The following DNAH12 variants were observed in gnomAD, a reference collection of about 807,000 sequenced individuals.
DNAH12 encodes axonemal beta dynein heavy chain 12.
A neutral mutation model predicts 371.5 loss-of-function variants in DNAH12; 285 were observed. That is an observed-to-expected ratio of 0.77 (90% confidence interval 0.70 to 0.85). The LOEUF (loss-of-function observed/expected upper bound fraction) is 0.85, where lower values mean the gene tolerates loss of function less well. Among genes scored for constraint, DNAH12 ranks in the 40% least tolerant of loss-of-function variants. The probability of loss-of-function intolerance (pLI) is 0.00; values close to 1 mark genes in which losing one functional copy is unlikely to be tolerated. For missense variants in DNAH12, 3,611 were observed against 3,689.4 expected (o/e 0.98, Z 0.55); for synonymous variants, 1,200 against 1,213.0 (o/e 0.99, Z 0.22).
At chr3:57,341,064 C>T (rs1034631746) in intron 60 of DNAH12, among the ~76,000 whole-genome samples, 16 of 152,086 alleles carry the variant, frequency 1.1e-4, no homozygotes, top group South Asian at 4.1e-4. Context: ...CCAGAAAAAG[C>T]GTTTGATAAA....
intron 11 of DNAH12, among the ~76,000 whole-genome samples, chr3:57,498,710 A>AT (rs1276955467): frequency 1.3e-5 from 2 of 152,086 alleles, no homozygotes; most frequent in African/African-American, 4.8e-5. Flanking sequence ...AATAAAAGGA[A>AT]TAAGTTAGGC....
At chr3:57,320,278 A>G (rs1318591011) in intron 65 of DNAH12, among the ~76,000 whole-genome samples, 2 of 152,202 alleles carry the variant, frequency 1.3e-5, no homozygotes, top group African/African-American at 2.4e-5. Flanking sequence ...TCATTGCCAT[A>G]TTACCAGTTC....
At chr3:57,480,391 T>C (rs1488628272) in intron 13 of DNAH12, among the ~76,000 whole-genome samples, 1 of 152,022 alleles carries the variant, frequency 6.6e-6, no homozygotes, top group Non-Finnish European at 1.5e-5. Flanking sequence ...AATCTCTGAA[T>C]AGACCAATAA....
intron 55 of DNAH12, among the ~76,000 whole-genome samples, chr3:57,370,024 C>T (rs2063136522): frequency 6.6e-6 from 1 of 152,024 alleles, no homozygotes; most frequent in Non-Finnish European, 1.5e-5. Flanking sequence ...CTAAGTATAC[C>T]TTACTCTAGG....
intron 51 of DNAH12, among the ~76,000 whole-genome samples, chr3:57,379,976 A>C (rs1485959891): frequency 2.0e-5 from 3 of 152,020 alleles, no homozygotes; most frequent in Non-Finnish European, 4.4e-5. Context: ...ATCTTACATA[A>C]ATTTGTGTAT....
At chr3:57,328,806 A>G (rs112572911) in intron 62 of DNAH12, among the ~76,000 whole-genome samples, 3 of 130,156 alleles carry the variant, frequency 2.3e-5, no homozygotes, top group African/African-American at 9.3e-5. Context: ...ATATATCTAG[A>G]AAACCCCATT....
At chr3:57,461,447 TC>T in intron 19 of DNAH12, 41 bp downstream of exon 19, 1 of 1,537,244 alleles carries the variant, frequency 6.5e-7, no homozygotes, top group East Asian at 2.5e-5. Context: ...AGGATTGCAA[TC>T]CGTATAAATG....
chr3:57,364,374 T>TA (rs2063001581), intron 57 of DNAH12, among the ~76,000 whole-genome samples: 1 of 152,190 alleles, frequency 6.6e-6, no homozygotes, highest in Non-Finnish European at 1.5e-5. Context: ...TTTTCACTTT[T>TA]AATTCGATTT....
At chr3:57,426,347 G>C (rs1221293817) in intron 34 of DNAH12, among the ~76,000 whole-genome samples, 3 of 152,136 alleles carry the variant, frequency 2.0e-5, no homozygotes, top group Non-Finnish European at 4.4e-5. Context: ...GAAAGGATTT[G>C]TGTTTTGGAA....
chr3:57,313,644 C>T (rs1369845187), intron 66 of DNAH12, among the ~76,000 whole-genome samples: 1 of 152,038 alleles, frequency 6.6e-6, no homozygotes, highest in Non-Finnish European at 1.5e-5. Context: ...CAGAGTGAAA[C>T]TCTGTTTCCA....
At chr3:57,451,363 G>A (rs1430832867) in intron 25 of DNAH12, among the ~76,000 whole-genome samples, 1 of 152,200 alleles carries the variant, frequency 6.6e-6, no homozygotes, top group Non-Finnish European at 1.5e-5. Context: ...GGGCCCAGTG[G>A]CTCACGTCTG....
At chr3:57,465,935 A>G (rs1052457986) in intron 17 of DNAH12, among the ~76,000 whole-genome samples, 4 of 152,140 alleles carry the variant, frequency 2.6e-5, no homozygotes. Flanking sequence ...AAGTTTGATG[A>G]TATTTTGTTA....
In DNAH12 at chr3:57,530,530, T is replaced by C. The variant is rs963235914; in HGVS notation, c.171-6646A>G. 6 of 711,566 alleles carry C rather than the reference T, an allele frequency of 8.4e-6. No individual in the cohort carries two copies. In the Admixed American group the frequency reaches 1.2e-4, roughly 15 times the overall value. 44.1% of individuals were successfully genotyped at this position (711,566 alleles called of 1,614,324 possible). The stretch of plus-strand genomic sequence containing the variant: ...GCATTCTTTTTCCTTTCATCATATT[T>C]CTTCTAAATTTTTTTAGATTGTTTT... On this transcript the variant is annotated intron_variant, in intron 2 of 73. Transcript: ENST00000495027.
intron 55 of DNAH12, among the ~76,000 whole-genome samples, chr3:57,368,558 C>T (rs2063100637): frequency 6.6e-6 from 1 of 152,082 alleles, no homozygotes; most frequent in Non-Finnish European, 1.5e-5. Flanking sequence ...GAGCTCTGCT[C>T]TTCCCAATAT....
Position 57,334,622 on chromosome 3 carries a change from A to G in DNAH12, c.9834-13T>C. On this transcript the variant is annotated splice_polypyrimidine_tract_variant and intron_variant, in intron 61 of 73. Coordinates refer to ENST00000495027, the MANE Select transcript of DNAH12 (RefSeq NM_001366028.2). ...ACAAAAATGTTGCCTAATAGAAAAA[A>G]GCTTAAGAATTATTCTTTTTATTGG... 6.5e-7 allele frequency: 1 copy of G among 1,529,336 alleles called. No individual in the cohort carries two copies. The allele number at this position is 1,529,336 out of a possible 1,614,324, so 94.7% of individuals were successfully genotyped here.
Position 57,310,793 on chromosome 3 carries a change from T to A in DNAH12, c.10820A>T (p.His3607Leu). 1.9e-6 allele frequency: 3 copies of A among 1,551,658 alleles called. No homozygotes were observed. Among genetic ancestry groups the A allele is most frequent in the Non-Finnish European group, 2.6e-6 (3 of 1,146,978 alleles). The change falls in exon 67 of 74, where the codon CAT becomes CTT. Residue 3607 changes from histidine to leucine, a missense_variant. By Grantham distance (99) the His-to-Leu change is moderately conservative (BLOSUM62 -3). This residue lies in a region of DNAH12 where 2,266 missense variants were observed against 2,236.9 expected (regional missense o/e 1.01). Transcript: ENST00000495027. ...GTTTCCACTGGGAGAAAACTTATAA[T>A]GAGGGTTTTCAACTATGTACAGATT... ...FYNLYIVENP[H>L]YKFSPSGNYF...
rs2064345059 is a variant in DNAH12 at position 57,415,547 on chromosome 3, C to T, written c.5732G>A (p.Gly1911Asp). 9 of 1,541,196 alleles carry T rather than the reference C, an allele frequency of 5.8e-6. No homozygotes were observed. Among genetic ancestry groups the T allele is most frequent in the Non-Finnish European group, 7.9e-6 (9 of 1,144,742 alleles). The change falls in exon 38 of 74, where the codon GGT becomes GAT. Residue 1911 changes from glycine (G) to aspartate (D), a missense_variant. By Grantham distance (94) the Gly-to-Asp change is moderately conservative. Around this residue, in one of 3 missense-constraint regions of DNAH12, gnomAD observed 2,266 missense variants for 2,236.9 expected, o/e 1.01. Transcript: ENST00000495027. ...ITYAKPLLFV[G>D]PTGTGKSVYV... is the part of the protein sequence containing the mutation. ...CACAGATTTTCCTGTACCCGTTGGA[C>T]CCACAAAAAGGAGTGGCCTTAATGA...
intron 2 of DNAH12, among the ~76,000 whole-genome samples, chr3:57,535,854 T>TTC (rs1293195829): frequency 6.8e-6 from 1 of 147,064 alleles, no homozygotes; most frequent in African/African-American, 2.5e-5. Flanking sequence ...TTTTTTTTTT[T>TTC]TGAGACAGAG....
the DNAH12 span, among the ~76,000 whole-genome samples, chr3:57,551,543 T>A: frequency 6.6e-6 from 1 of 152,340 alleles, no homozygotes; most frequent in Admixed American, 6.5e-5. Flanking sequence ...GTGCTGGGAT[T>A]ACAGGCATTA....
Sources: gnomAD v4.1 joint callset for allele counts (sites outside exome capture counted in the v4.1 genomes callset) on GRCh38, gnomAD v4.1.1 for gene constraint, gnomAD v4.1.1 regional missense constraint, MANE v1.5 for transcripts, NCBI Gene and HGNC (gene_info 2026-07-23, HGNC 2026-07-21) for gene names.